The following NKAIN3 variants were observed in gnomAD, a reference collection of about 807,000 sequenced individuals.
The protein encoded by NKAIN3 is sodium/potassium transporting ATPase interacting 3.
In NKAIN3, 25 loss-of-function variants were observed where a neutral mutation model predicts 30.2. The ratio of observed to expected loss-of-function variants is 0.83; its 90% CI spans 0.60 to 1.16. The LOEUF is 1.16. Among genes scored for constraint, NKAIN3 ranks in the 50% most tolerant of loss-of-function variants. The pLI, the probability that NKAIN3 is intolerant of heterozygous loss-of-function variation, is 0.00. For synonymous variants in NKAIN3, 91 were observed against 89.6 expected (o/e 1.02, Z -0.09); for missense variants, 225 against 254.1 (o/e 0.89, Z 0.78).
chr8:62,830,518 C>G (rs1464087586), intron 4 of NKAIN3, among the ~76,000 whole-genome samples: 1 of 152,124 alleles, frequency 6.6e-6, no homozygotes, highest in South Asian at 2.1e-4. Context: ...CATAATTTGC[C>G]TTAAATTTTT....
At chr8:62,461,116 G>A (rs1289999533) in intron 1 of NKAIN3, among the ~76,000 whole-genome samples, 1 of 152,212 alleles carries the variant, frequency 6.6e-6, no homozygotes, top group Non-Finnish European at 1.5e-5. Context: ...CTAATGCAGA[G>A]TTGCAGATGC....
chr8:62,462,747 C>A (rs1233527805), intron 1 of NKAIN3, among the ~76,000 whole-genome samples: 1 of 152,106 alleles, frequency 6.6e-6, no homozygotes, highest in Non-Finnish European at 1.5e-5. Context: ...AATGAAGAGA[C>A]TTTTAGATGA....
chr8:62,775,255 T>C (rs748725593), intron 4 of NKAIN3, among the ~76,000 whole-genome samples: 12 of 152,096 alleles, frequency 7.9e-5, no homozygotes, highest in Non-Finnish European at 1.6e-4. Flanking sequence ...TAATGTCCCC[T>C]TCTTCATCTC....
At chr8:62,475,476 T>C (rs1427664371) in intron 1 of NKAIN3, among the ~76,000 whole-genome samples, 1 of 152,212 alleles carries the variant, frequency 6.6e-6, no homozygotes. Context: ...AAATATAGTT[T>C]ACATGCCATA....
At chr8:62,493,377 G>T (rs1445309933) in intron 1 of NKAIN3, among the ~76,000 whole-genome samples, 1 of 151,976 alleles carries the variant, frequency 6.6e-6, no homozygotes, top group Non-Finnish European at 1.5e-5. Context: ...TGCTCCACTT[G>T]TCTATGTGTC....
chr8:62,755,023 A>G (rs1255554689), intron 4 of NKAIN3, among the ~76,000 whole-genome samples: 1 of 152,216 alleles, frequency 6.6e-6, no homozygotes, highest in African/African-American at 2.4e-5. Context: ...CTGTGTTAAC[A>G]TTTGCATTTA....
At chr8:62,464,140 A>G (rs1806081781) in intron 1 of NKAIN3, among the ~76,000 whole-genome samples, 3 of 152,198 alleles carry the variant, frequency 2.0e-5, no homozygotes, top group Non-Finnish European at 4.4e-5. Flanking sequence ...TTAACAATGG[A>G]GGAAACTGGG....
intron 1 of NKAIN3, among the ~76,000 whole-genome samples, chr8:62,462,015 A>G (rs955307123): frequency 9.2e-5 from 14 of 152,224 alleles, no homozygotes; most frequent in African/African-American, 2.7e-4. Flanking sequence ...AAAGAAAATT[A>G]TAATGGACAC....
At chr8:62,798,637 T>C (rs562185880) in intron 4 of NKAIN3, among the ~76,000 whole-genome samples, 1 of 152,264 alleles carries the variant, frequency 6.6e-6, no homozygotes, top group African/African-American at 2.4e-5. Flanking sequence ...AGTTCAAAGA[T>C]TGGTGAATAG....
intron 1 of NKAIN3, among the ~76,000 whole-genome samples, chr8:62,287,905 A>G (rs1402436388): frequency 6.6e-6 from 1 of 152,164 alleles, no homozygotes. Flanking sequence ...TGCTCTAATC[A>G]CATTGACTTG....
chr8:62,324,970 T>C (rs1815066159), intron 1 of NKAIN3, among the ~76,000 whole-genome samples: 1 of 152,102 alleles, frequency 6.6e-6, no homozygotes, highest in African/African-American at 2.4e-5. Flanking sequence ...CCAAAGCCAA[T>C]AATTATTTTC....
intron 5 of NKAIN3, among the ~76,000 whole-genome samples, chr8:62,996,816 A>G (rs1005433340): frequency 3.9e-5 from 6 of 152,188 alleles, no homozygotes; most frequent in African/African-American, 1.4e-4. Flanking sequence ...CTTTGACTCC[A>G]TGTCTCACAC....
chr8:62,620,525 A>T (rs997272181), intron 3 of NKAIN3, among the ~76,000 whole-genome samples: 8 of 152,114 alleles, frequency 5.3e-5, no homozygotes, highest in African/African-American at 1.9e-4. Context: ...TGCAGGGGTA[A>T]TTTCAAATAT....
chr8:62,865,252 C>A (rs1456007239), intron 4 of NKAIN3, among the ~76,000 whole-genome samples: 14 of 152,080 alleles, frequency 9.2e-5, no homozygotes, highest in African/African-American at 3.4e-4. Flanking sequence ...AGAAATGGTT[C>A]CAGAAAAAAC....
intron 4 of NKAIN3, among the ~76,000 whole-genome samples, chr8:62,912,118 C>T (rs1431947524): frequency 6.6e-6 from 1 of 152,144 alleles, no homozygotes; most frequent in Non-Finnish European, 1.5e-5. Context: ...AGCACTGTTA[C>T]TGTACTGAAT....
At chr8:62,535,887 G>C (rs1222084514) in intron 1 of NKAIN3, among the ~76,000 whole-genome samples, 2 of 152,080 alleles carry the variant, frequency 1.3e-5, no homozygotes, top group Non-Finnish European at 2.9e-5. Context: ...GTCCTACTTT[G>C]GGCAGGTAAA....
chr8:62,365,813 G>A (rs1003102286), intron 1 of NKAIN3, among the ~76,000 whole-genome samples: 5 of 151,942 alleles, frequency 3.3e-5, no homozygotes, highest in Non-Finnish European at 7.4e-5. Flanking sequence ...GTGATATCCA[G>A]TTGTTGACTT....
At chr8:62,398,808 T>C (rs1817844601) in intron 1 of NKAIN3, among the ~76,000 whole-genome samples, 1 of 152,236 alleles carries the variant, frequency 6.6e-6, no homozygotes, top group Admixed American at 6.5e-5. Flanking sequence ...TAAGAAATTA[T>C]AGGCCGGGAG....
At chr8:62,933,194 A>T (rs551108840) in intron 5 of NKAIN3, among the ~76,000 whole-genome samples, 2 of 152,240 alleles carry the variant, frequency 1.3e-5, no homozygotes, top group Non-Finnish European at 1.5e-5. Context: ...AAAAGGATTT[A>T]TAAAAGAGAT....
Sources: allele counts gnomAD v4.1 joint callset (sites outside exome capture counted in the v4.1 genomes callset), GRCh38; gene constraint gnomAD v4.1.1; transcripts MANE v1.5; gene names NCBI Gene and HGNC (gene_info 2026-07-23, HGNC 2026-07-21).